Variants in PTPRD observed in about 807,000 individuals in gnomAD.
PTPRD encodes the protein receptor-type tyrosine-protein phosphatase delta.
PTPRD carries 34 observed loss-of-function variants against 214.5 expected under a neutral mutation model. The ratio of observed to expected loss-of-function variants is 0.16; its 90% confidence interval spans 0.12 to 0.21. PTPRD has a LOEUF of 0.21. Among genes scored for constraint, PTPRD ranks in the 10% least tolerant of loss-of-function variants. The pLI, the probability that PTPRD is intolerant of heterozygous loss-of-function variation, is 1.00. For missense variants in PTPRD, 2,545 were observed against 2,398.7 expected, an observed-to-expected ratio of 1.06 and a Z score of -1.27; for synonymous variants, 1,128 against 845.7, an observed-to-expected ratio of 1.33 and a Z score of -5.79.
intron 8 of PTPRD, among the ~76,000 whole-genome samples, chr9:9,473,673 A>C (rs183895297): frequency 1.3e-5 from 2 of 152,224 alleles, no homozygotes; most frequent in South Asian, 2.1e-4. Flanking sequence ...TGGCCATTCC[A>C]ACAGGGGTGA....
At chr9:9,185,059 T>C (rs1362004618) in intron 9 of PTPRD, among the ~76,000 whole-genome samples, 1 of 152,056 alleles carries the variant, frequency 6.6e-6, no homozygotes, top group Non-Finnish European at 1.5e-5. Context: ...GCTGAGAGCA[T>C]TGCACAACCT....
intron 9 of PTPRD, among the ~76,000 whole-genome samples, chr9:9,291,849 T>G (rs1194328397): frequency 6.6e-6 from 1 of 150,486 alleles, no homozygotes; most frequent in Admixed American, 6.7e-5. Context: ...TATATGTGTA[T>G]ATGTGTGTGT....
chr9:10,034,669 T>C (rs1027909477), intron 3 of PTPRD, among the ~76,000 whole-genome samples: 1 of 152,174 alleles, frequency 6.6e-6, no homozygotes, highest in African/African-American at 2.4e-5. Context: ...AGTGAGAACA[T>C]GCAGTATTTG....
At chr9:8,782,895 C>G (rs758599383) in intron 11 of PTPRD, among the ~76,000 whole-genome samples, 8 of 152,106 alleles carry the variant, frequency 5.3e-5, no homozygotes, top group African/African-American at 1.2e-4. Context: ...CACGCCTGGC[C>G]TACACTTCTT....
At chr9:10,113,927 T>C (rs16931103) in intron 3 of PTPRD, among the ~76,000 whole-genome samples, 8,789 of 152,260 alleles carry the variant, frequency 0.058, 327 homozygotes, top group Admixed American at 0.1. Context: ...AGCCATAACC[T>C]TGGCCTTTTT....
chr9:9,389,237 G>A (rs554929084), intron 9 of PTPRD, among the ~76,000 whole-genome samples: 2 of 152,172 alleles, frequency 1.3e-5, no homozygotes, highest in African/African-American at 2.4e-5. Context: ...GCAGCTGGGC[G>A]CAGTGGCTCA....
intron 2 of PTPRD, among the ~76,000 whole-genome samples, chr9:10,565,560 T>C (rs1283221664): frequency 6.6e-6 from 1 of 152,048 alleles, no homozygotes; most frequent in East Asian, 1.9e-4. Flanking sequence ...CTGCAAAATT[T>C]TAAAATGCTG....
intron 2 of PTPRD, among the ~76,000 whole-genome samples, chr9:10,558,169 C>A (rs377571016): frequency 2.8e-4 from 42 of 152,078 alleles, no homozygotes; most frequent in African/African-American, 9.6e-4. Flanking sequence ...CTTAGTGCCC[C>A]AAAGAACAGA....
At chr9:10,571,436 T>C (rs896322131) in intron 2 of PTPRD, among the ~76,000 whole-genome samples, 6 of 152,296 alleles carry the variant, frequency 3.9e-5, no homozygotes, top group Admixed American at 2.6e-4. Flanking sequence ...ATAAATGCTG[T>C]GTTAAATTTT....
At chr9:10,297,084 A>G (rs1235346313) in intron 3 of PTPRD, among the ~76,000 whole-genome samples, 1 of 148,456 alleles carries the variant, frequency 6.7e-6, no homozygotes, top group African/African-American at 2.5e-5. Flanking sequence ...ACAAATGGAG[A>G]AAGTCTGCAT....
Position 9,590,950 on chromosome 9 carries a change from C to G in PTPRD, c.-286-16169G>C, listed in dbSNP as rs569897658. On this transcript the variant is annotated intron_variant, in intron 7 of 45. Coordinates refer to ENST00000381196, the MANE Select transcript of PTPRD (RefSeq NM_002839.4). ...ATGCAAAGCTTTATGTAATGAAACACAAAATGGGCTCCATTTTGGTATCTT... is the reference window on the plus strand; with the variant it reads ...ATGCAAAGCTTTATGTAATGAAACAGAAAATGGGCTCCATTTTGGTATCTT... Among the ~76,000 whole-genome samples, 29 of 152,118 alleles carry G rather than the reference C, an allele frequency of 1.9e-4. 1 individual carries two copies. The South Asian group carries it at 5.8e-3, about 30-fold the overall frequency.
At chr9:9,989,337 GC>G (rs1191337148) in intron 4 of PTPRD, among the ~76,000 whole-genome samples, 3 of 151,902 alleles carry the variant, frequency 2.0e-5, no homozygotes, top group Non-Finnish European at 4.4e-5. Context: ...AGCCTTCTCT[GC>G]CCCCACATTC....
At chr9:10,610,084 A>G (rs368068682) in intron 2 of PTPRD, among the ~76,000 whole-genome samples, 14 of 152,212 alleles carry the variant, frequency 9.2e-5, no homozygotes, top group African/African-American at 2.9e-4. Flanking sequence ...AATAAAACAC[A>G]TTACTGCTGA....
At chr9:8,652,919 C>A (rs2096841988) in intron 12 of PTPRD, among the ~76,000 whole-genome samples, 1 of 152,076 alleles carries the variant, frequency 6.6e-6, no homozygotes, top group Non-Finnish European at 1.5e-5. Context: ...TATTCCATAC[C>A]AAATGTAAAG....
At chr9:9,906,396 A>G (rs10816222) in intron 5 of PTPRD, among the ~76,000 whole-genome samples, 116,044 of 151,720 alleles carry the variant, frequency 0.76, 45,089 homozygotes, top group Admixed American at 0.84. Flanking sequence ...TATAGACTAC[A>G]CTATACAGAT....
intron 8 of PTPRD, among the ~76,000 whole-genome samples, chr9:9,550,601 TG>T (rs1417628314): frequency 1.3e-5 from 2 of 150,654 alleles, no homozygotes; most frequent in Non-Finnish European, 3.0e-5. Flanking sequence ...TCTGTTGCTC[TG>T]GAAAGCCATA....
chr9:8,688,639 T>C (rs2097741209), intron 12 of PTPRD, among the ~76,000 whole-genome samples: 1 of 151,752 alleles, frequency 6.6e-6, no homozygotes, highest in South Asian at 2.1e-4. Flanking sequence ...AAGAAAGTTA[T>C]GTAAGAAGAA....
At chr9:8,890,652 C>A (rs148987643) in intron 11 of PTPRD, among the ~76,000 whole-genome samples, 2 of 152,292 alleles carry the variant, frequency 1.3e-5, no homozygotes, top group African/African-American at 4.8e-5. Flanking sequence ...ATTCCTAGAA[C>A]AAATTTTCTT....
At position 9,030,491 on chromosome 9, in the gene PTPRD, CTA is replaced by C. The variant is rs1569470835; in HGVS notation, c.-142-11758_-142-11757del. On this transcript the variant is annotated intron_variant, in intron 10 of 45. Coordinates refer to ENST00000381196, the MANE Select transcript of PTPRD (RefSeq NM_002839.4). ...CATACCAAGTCTCCTAACTTGAAAGCTATGTTTTTGTACTCCATCTGGCTGCC... is the reference window on the plus strand; with the variant it reads ...CATACCAAGTCTCCTAACTTGAAAGCTGTTTTTGTACTCCATCTGGCTGCC... Among the ~76,000 whole-genome samples, 3 of 151,672 alleles carry C rather than the reference CTA, an allele frequency of 2.0e-5. 1 individual carries two copies. In the Admixed American group the frequency reaches 2.0e-4, roughly 10 times the overall value.
Sources: gnomAD v4.1 joint callset for allele counts (sites outside exome capture counted in the v4.1 genomes callset) on GRCh38, gnomAD v4.1.1 for gene constraint, MANE v1.5 for transcripts, NCBI Gene and HGNC (gene_info 2026-07-23, HGNC 2026-07-21) for gene names.